Variants in ZNF503 observed in about 807,000 individuals in gnomAD.
The protein encoded by ZNF503 is zinc finger protein 503, also known as NocA-like zinc finger 2.
In ZNF503, 15 loss-of-function variants were observed where a neutral mutation model predicts 34.4. The observed-to-expected ratio is 0.44, with a 90% CI of 0.29 to 0.67. The LOEUF is 0.67. Among genes scored for constraint, ZNF503 ranks in the 30% least tolerant of loss-of-function variants. The pLI, the probability that ZNF503 is intolerant of heterozygous loss-of-function variation, is 0.13. For missense variants in ZNF503, 1,007 were observed against 926.8 expected, an observed-to-expected ratio of 1.09 and a Z score of -1.12; for synonymous variants, 580 against 456.8, an observed-to-expected ratio of 1.27 and a Z score of -3.44.
the ZNF503 span, among the ~76,000 whole-genome samples, chr10:75,327,820 T>A: frequency 3.3e-5 from 5 of 152,216 alleles, no homozygotes; most frequent in African/African-American, 1.2e-4. Context: ...CTTATTGTGA[T>A]TTTGATTTGC....
At chr10:75,323,117 C>A in the ZNF503 span, among the ~76,000 whole-genome samples, 1 of 152,176 alleles carries the variant, frequency 6.6e-6, no homozygotes, top group Admixed American at 6.5e-5. Flanking sequence ...TACCTGTTTT[C>A]CTGTGTAGCC....
the ZNF503 span, among the ~76,000 whole-genome samples, chr10:75,369,917 A>T: frequency 6.6e-6 from 1 of 152,090 alleles, no homozygotes; most frequent in Non-Finnish European, 1.5e-5. Context: ...AAATATAAAA[A>T]TTAGCCTTGC....
At chr10:75,322,259 G>C in the ZNF503 span, among the ~76,000 whole-genome samples, 6 of 151,808 alleles carry the variant, frequency 4.0e-5, no homozygotes. Flanking sequence ...GAGTAGCTGG[G>C]TCTACAGGTG....
the ZNF503 span, among the ~76,000 whole-genome samples, chr10:75,345,048 G>T: frequency 1.3e-5 from 2 of 152,208 alleles, no homozygotes; most frequent in Admixed American, 6.5e-5. Flanking sequence ...GGAGTACCTG[G>T]TAAGGCAAAA....
the ZNF503 span, among the ~76,000 whole-genome samples, chr10:75,375,069 T>C: frequency 2.0e-5 from 3 of 152,180 alleles, no homozygotes; most frequent in African/African-American, 4.8e-5. Flanking sequence ...TCCAATGAGT[T>C]TGGGAAGGAT....
chr10:75,298,134 C>T, the ZNF503 span, among the ~76,000 whole-genome samples: 1 of 152,194 alleles, frequency 6.6e-6, no homozygotes, highest in Non-Finnish European at 1.5e-5. Context: ...GCCCCAACCC[C>T]AGCCCCAGAC....
In ZNF503 at chr10:75,399,812, T is replaced by A; in HGVS notation, c.878A>T (p.Asp293Val). 1 of 1,602,936 alleles carries A rather than the reference T, an allele frequency of 6.2e-7. No individual in the cohort carries two copies. The highest frequency in any genetic ancestry group is 8.5e-7 in the Non-Finnish European group (1 of 1,176,692). ...RISCGGGINV[D>V]VNQHPDGGPG... Reference sequence around the variant, plus strand: ...GCCCCCATCCGGATGCTGGTTCACATCCACATTAATCCCGCCGCCGCAGCT... The same window carrying A: ...GCCCCCATCCGGATGCTGGTTCACAACCACATTAATCCCGCCGCCGCAGCT... The change falls in exon 2 of 2, where the codon GAT (aspartate) becomes GTT (valine). Residue 293 changes from aspartate to valine, a missense_variant. Transcript: ENST00000372524.
At chr10:75,381,000 C>T in the ZNF503 span, among the ~76,000 whole-genome samples, 9 of 152,318 alleles carry the variant, frequency 5.9e-5, no homozygotes, top group South Asian at 1.4e-3. Flanking sequence ...AAATCCCACA[C>T]GCTCACTCCA....
chr10:75,333,567 C>T, the ZNF503 span, among the ~76,000 whole-genome samples: 1 of 81,414 alleles, frequency 1.2e-5, no homozygotes. Context: ...CCGGACGGGG[C>T]AGCTGGCCGG....
At chr10:75,332,606 GGCAGAGGACCCTGCGGCCTTCC>G in the ZNF503 span, among the ~76,000 whole-genome samples, 1 of 144,998 alleles carries the variant, frequency 6.9e-6, no homozygotes, top group Non-Finnish European at 1.5e-5. Flanking sequence ...GGTTTTCCTA[GGCAGAGGACCCTGCGGCCTTCC>G]GCAGTGTTTG....
Position 75,399,822 on chromosome 10 carries a change from T to C in ZNF503, c.868A>G (p.Ile290Val). The part of the protein sequence containing the change: ...AHGRISCGGG[I>V]NVDVNQHPDG... ...GGATGCTGGTTCACATCCACATTAA[T>C]CCCGCCGCCGCAGCTAATCCGGCCG... Residue 290 changes from isoleucine to valine, a missense_variant, in exon 2 of 2, where the codon ATT becomes GTT. Coordinates refer to ENST00000372524, the MANE Select transcript of ZNF503 (RefSeq NM_032772.6). The C allele has an allele frequency of 6.2e-7, 1 of 1,602,666 alleles. No individual in the cohort carries two copies. The highest frequency in any genetic ancestry group is 1.1e-5 in the South Asian group (1 of 89,978).
chr10:75,346,157 T>C, the ZNF503 span, among the ~76,000 whole-genome samples: 1 of 152,186 alleles, frequency 6.6e-6, no homozygotes, highest in Non-Finnish European at 1.5e-5. Context: ...AGAGGTAATA[T>C]AGCCCAGTGG....
At position 75,398,855 on chromosome 10, in the gene ZNF503, G is replaced by A; in HGVS notation, c.1835C>T (p.Thr612Met). 5 of 1,509,474 alleles carry A rather than the reference G, an allele frequency of 3.3e-6. No individual in the cohort carries two copies. The highest frequency in any genetic ancestry group is 1.4e-5 in the African/African-American group (1 of 71,728). 93.5% of individuals were successfully genotyped at this position (1,509,474 alleles called of 1,614,324 possible). A position where few individuals can be genotyped will look rare whatever the true frequency, so the allele number is the denominator to read the frequency against. Residue 612 changes from threonine to methionine, a missense_variant, in exon 2 of 2, where the codon ACG becomes ATG. Physicochemically the swap from Thr to Met is moderately conservative, Grantham distance 81. Coordinates refer to ENST00000372524, the MANE Select transcript of ZNF503 (RefSeq NM_032772.6). ...YHPYSKSPLPTPGAPVPVPAA... is the reference protein window; with the variant it reads ...YHPYSKSPLPMPGAPVPVPAA... ...GGGCACCGGCACGGGGGCGCCAGGCGTGGGAAGCGGGCTCTTGGAGTAGGG... is the reference window on the plus strand; with the variant it reads ...GGGCACCGGCACGGGGGCGCCAGGCATGGGAAGCGGGCTCTTGGAGTAGGG...
the ZNF503 span, among the ~76,000 whole-genome samples, chr10:75,357,363 A>G: frequency 1.3e-5 from 2 of 151,364 alleles, no homozygotes; most frequent in Non-Finnish European, 2.9e-5. Flanking sequence ...ACAAAAAAAA[A>G]AAAAATTAGC....
chr10:75,346,689 G>A, the ZNF503 span, among the ~76,000 whole-genome samples: 15 of 152,054 alleles, frequency 9.9e-5, no homozygotes, highest in East Asian at 2.7e-3. Flanking sequence ...TGATCTGCCC[G>A]CCTCGGCCTC....
chr10:75,284,744 G>C, the ZNF503 span, among the ~76,000 whole-genome samples: 9 of 152,224 alleles, frequency 5.9e-5, no homozygotes, highest in Admixed American at 5.2e-4. Flanking sequence ...TTCCATGGGT[G>C]TGGTTAACTA....
At chr10:75,389,153 G>A in the ZNF503 span, among the ~76,000 whole-genome samples, 2 of 152,192 alleles carry the variant, frequency 1.3e-5, no homozygotes, top group Non-Finnish European at 2.9e-5. Context: ...AAAGAAAAAT[G>A]GCAGAGATGG....
At chr10:75,335,808 T>A in the ZNF503 span, among the ~76,000 whole-genome samples, 23 of 152,224 alleles carry the variant, frequency 1.5e-4, no homozygotes, top group African/African-American at 4.6e-4. Context: ...CCCTCCCTCC[T>A]GGCCTTCATT....
chr10:75,389,157 G>A, the ZNF503 span, among the ~76,000 whole-genome samples: 118 of 152,310 alleles, frequency 7.7e-4, 1 homozygote, highest in African/African-American at 2.7e-3. Context: ...AAAAATGGCA[G>A]AGATGGAGAG....
Sources: gnomAD v4.1 joint callset for allele counts (sites outside exome capture counted in the v4.1 genomes callset) on GRCh38, gnomAD v4.1.1 for gene constraint, MANE v1.5 for transcripts, NCBI Gene and HGNC (gene_info 2026-07-23, HGNC 2026-07-21) for gene names.